ALDH1A2: variants seen among roughly 807,000 people sequenced by gnomAD.
The protein encoded by ALDH1A2 is aldehyde dehydrogenase 1 family member A2.
In ALDH1A2, 27 loss-of-function variants were observed where a neutral mutation model predicts 60.3. The observed-to-expected ratio is 0.45, with a 90% CI of 0.33 to 0.62. The LOEUF is 0.62. Ranked by LOEUF, ALDH1A2 falls within the 20% of genes least tolerant of loss-of-function variation. ALDH1A2 has a pLI of 0.02. For synonymous variants in ALDH1A2, 289 were observed against 232.4 expected, an observed-to-expected ratio of 1.24 and a Z score of -2.21; for missense variants, 581 against 643.8, an observed-to-expected ratio of 0.90 and a Z score of 1.06.
intron 7 of ALDH1A2, among the ~76,000 whole-genome samples, chr15:57,986,269 TGAG>T (rs1894696912): frequency 6.6e-6 from 1 of 152,110 alleles, no homozygotes; most frequent in Non-Finnish European, 1.5e-5. Context: ...CAGTATGGTA[TGAG>T]GAGACCAAAG....
intron 1 of ALDH1A2, among the ~76,000 whole-genome samples, chr15:58,042,025 A>G (rs1896529937): frequency 6.6e-6 from 1 of 151,918 alleles, no homozygotes; most frequent in African/African-American, 2.4e-5. Flanking sequence ...TGGAGGGACT[A>G]CTGTATTAGG....
chr15:58,038,992 G>C (rs1896446940), intron 1 of ALDH1A2, among the ~76,000 whole-genome samples: 1 of 151,770 alleles, frequency 6.6e-6, no homozygotes, highest in African/African-American at 2.4e-5. Context: ...ACTCTGGAAA[G>C]TTTTTTGGTG....
intron 4 of ALDH1A2, among the ~76,000 whole-genome samples, chr15:57,999,065 G>C (rs558421406): frequency 6.6e-6 from 1 of 152,150 alleles, no homozygotes; most frequent in East Asian, 1.9e-4. Flanking sequence ...ATGAATTAAA[G>C]ACTTAAGTGC....
rs1566948925 is a variant in ALDH1A2 at position 58,013,938 on chromosome 15, T to C, written c.283A>G (p.Arg95Gly). The C allele has an allele frequency of 6.2e-7, 1 of 1,614,106 alleles. No homozygotes were observed. Among genetic ancestry groups the C allele is most frequent in the Non-Finnish European group, 8.5e-7 (1 of 1,179,996 alleles). ...CCCCTTTCTGAAGCATCCATCCTTC[T>C]CCACACTGAACCAAGAGAGAAAGCC... ...RLAFSLGSVWRRMDASERGRL... is the reference protein window; with the variant it reads ...RLAFSLGSVWGRMDASERGRL... Residue 95 changes from arginine (R) to glycine (G), a missense_variant, in exon 3 of 13, where the codon AGA becomes GGA. Physicochemically the swap from Arg to Gly is moderately radical, Grantham distance 125 (BLOSUM62 -2). Transcript: ENST00000249750.
At chr15:57,998,191 C>G (rs1458450410) in intron 4 of ALDH1A2, among the ~76,000 whole-genome samples, 1 of 152,008 alleles carries the variant, frequency 6.6e-6, no homozygotes, top group South Asian at 2.1e-4. Context: ...ATTGGAAGTT[C>G]TGGCCAGTTC....
chr15:58,016,137 AT>A (rs532101226), intron 1 of ALDH1A2, among the ~76,000 whole-genome samples: 6,583 of 134,372 alleles, frequency 0.049, 352 homozygotes, highest in African/African-American at 0.14. Context: ...ACTGATCCTA[AT>A]TTTTTTTTTT....
chr15:58,008,636 G>T (rs1415444430), intron 4 of ALDH1A2, among the ~76,000 whole-genome samples: 3 of 152,196 alleles, frequency 2.0e-5, no homozygotes, highest in East Asian at 1.9e-4. Context: ...TCAGAGCTTT[G>T]TAAATAGTTT....
At chr15:57,960,692 A>T in intron 12 of ALDH1A2, 78 bp downstream of exon 12, 2 of 1,271,600 alleles carry the variant, frequency 1.6e-6, no homozygotes, top group Non-Finnish European at 2.3e-6. Flanking sequence ...TAAGATAATT[A>T]AACTATTTTT....
chr15:58,052,803 A>T (rs2704218), intron 1 of ALDH1A2, among the ~76,000 whole-genome samples: 81,139 of 151,926 alleles, frequency 0.53, 23,341 homozygotes, highest in African/African-American at 0.76. Context: ...TGCAAGGTAC[A>T]CTGAAAGGTT....
At chr15:58,061,613 A>C (rs552552411) in intron 1 of ALDH1A2, among the ~76,000 whole-genome samples, 2,964 of 130,558 alleles carry the variant, frequency 0.023, 60 homozygotes, top group Middle Eastern at 0.039. Flanking sequence ...AAAAAAACAA[A>C]AAAAAAAAAA....
intron 1 of ALDH1A2, among the ~76,000 whole-genome samples, chr15:58,017,449 A>G (rs926403164): frequency 1.3e-5 from 2 of 152,192 alleles, no homozygotes; most frequent in South Asian, 4.1e-4. Flanking sequence ...TATTTTTGTA[A>G]TTGTGAAACA....
intron 7 of ALDH1A2, among the ~76,000 whole-genome samples, chr15:57,982,263 T>C (rs1894540917): frequency 6.6e-6 from 1 of 152,210 alleles, no homozygotes; most frequent in African/African-American, 2.4e-5. Flanking sequence ...CTGGAAAGAT[T>C]AAATAATAAC....
chr15:57,992,282 T>C (rs1351126248), intron 7 of ALDH1A2, among the ~76,000 whole-genome samples: 2 of 152,220 alleles, frequency 1.3e-5, no homozygotes, highest in Non-Finnish European at 2.9e-5. Flanking sequence ...CCCTGCTCTA[T>C]ATCATCTCTT....
At position 57,970,642 on chromosome 15, in the gene ALDH1A2, T is replaced by C. The variant is rs3784258; in HGVS notation, c.799-4815A>G. Among the ~76,000 whole-genome samples, 78 of 152,220 alleles carry C rather than the reference T, an allele frequency of 5.1e-4. No individual in the cohort carries two copies. In the East Asian group the frequency reaches 0.012, roughly 23 times the overall value. ...CACAGTTTCTAAAGTTGGGTAAAATTTTTTTTTATTAATTACTCAGGTGAG... is the reference window on the plus strand; with the variant it reads ...CACAGTTTCTAAAGTTGGGTAAAATCTTTTTTTATTAATTACTCAGGTGAG... On this transcript the variant is annotated intron_variant, in intron 7 of 12. Transcript: ENST00000249750.
At chr15:58,057,704 T>C (rs1413218985) in intron 1 of ALDH1A2, among the ~76,000 whole-genome samples, 3 of 152,164 alleles carry the variant, frequency 2.0e-5, no homozygotes, top group Non-Finnish European at 4.4e-5. Context: ...TCATGAACAA[T>C]AGCTACTGTG....
chr15:58,024,120 T>C (rs181230002), intron 1 of ALDH1A2, among the ~76,000 whole-genome samples: 20 of 151,794 alleles, frequency 1.3e-4, no homozygotes, highest in Non-Finnish European at 2.6e-4. Flanking sequence ...ATATTAACTC[T>C]GAAATATGGA....
intron 4 of ALDH1A2, among the ~76,000 whole-genome samples, chr15:58,008,326 G>C (rs1264495186): frequency 6.6e-6 from 1 of 152,032 alleles, no homozygotes; most frequent in African/African-American, 2.4e-5. Context: ...AATGAGTAAA[G>C]TGGGGAAAGA....
intron 9 of ALDH1A2, 40 bp downstream of exon 9, chr15:57,963,845 A>C (rs777101147): frequency 6.2e-7 from 1 of 1,610,140 alleles, no homozygotes; most frequent in South Asian, 1.1e-5. Flanking sequence ...GTGCCAGTCA[A>C]GGATTAAGTA....
intron 12 of ALDH1A2, among the ~76,000 whole-genome samples, chr15:57,959,053 A>C (rs1687389762): frequency 6.6e-6 from 1 of 152,154 alleles, no homozygotes; most frequent in African/African-American, 2.4e-5. Context: ...TCTGATGGGA[A>C]TAGACTAGAC....
Sources: gnomAD v4.1 joint callset for allele counts (sites outside exome capture counted in the v4.1 genomes callset) on GRCh38, gnomAD v4.1.1 for gene constraint, MANE v1.5 for transcripts, NCBI Gene and HGNC (gene_info 2026-07-23, HGNC 2026-07-21) for gene names.